TENM3: variants seen among roughly 807,000 people sequenced by gnomAD.
TENM3 encodes teneurin transmembrane protein 3, also known as teneurin-3.
TENM3 carries 63 observed loss-of-function variants against 255.1 expected under a neutral mutation model. That is an observed-to-expected ratio of 0.25 (90% CI 0.20 to 0.30). TENM3 has a LOEUF of 0.30. TENM3 is among the 10% of genes least tolerant of loss of function. The pLI, the probability that TENM3 is intolerant of heterozygous loss-of-function variation, is 1.00. For synonymous variants in TENM3, 1,306 were observed against 1,322.3 expected (o/e 0.99, Z 0.27); for missense variants, 2,929 against 3,461.1 (o/e 0.85, Z 3.86).
At chr4:182,449,482 G>A (rs1773271634) in intron 3 of TENM3, among the ~76,000 whole-genome samples, 1 of 151,434 alleles carries the variant, frequency 6.6e-6, no homozygotes, top group African/African-American at 2.4e-5. Flanking sequence ...TTTTTTATGA[G>A]TAGTGTACTG....
intron 16 of TENM3, among the ~76,000 whole-genome samples, chr4:182,731,696 TGTGTGTG>T (rs1760734497): frequency 2.4e-4 from 2 of 8,414 alleles, no homozygotes; most frequent in East Asian, 0.014. Context: ...GGTGTTGGGG[TGTGTGTG>T]TGTGTGTGTG....
intron 22 of TENM3, among the ~76,000 whole-genome samples, chr4:182,768,528 G>T (rs1291112145): frequency 6.6e-6 from 1 of 152,078 alleles, no homozygotes; most frequent in Admixed American, 6.5e-5. Flanking sequence ...CATTTTAAAA[G>T]TCTAGGGAAG....
At chr4:181,620,955 A>C in the TENM3 span, among the ~76,000 whole-genome samples, 42 of 152,330 alleles carry the variant, frequency 2.8e-4, no homozygotes, top group African/African-American at 9.9e-4. Context: ...TACCTGTAAC[A>C]CAAATAGAAT....
At chr4:181,690,520 G>A in the TENM3 span, among the ~76,000 whole-genome samples, 2 of 151,976 alleles carry the variant, frequency 1.3e-5, no homozygotes, top group African/African-American at 4.8e-5. Flanking sequence ...TGTCTTTTCT[G>A]AGCACTTTAA....
chr4:182,407,248 T>C (rs936080657), intron 3 of TENM3, among the ~76,000 whole-genome samples: 1 of 152,218 alleles, frequency 6.6e-6, no homozygotes, highest in African/African-American at 2.4e-5. Flanking sequence ...CTTTTGGTTA[T>C]CATTTTGGAA....
chr4:182,210,355 T>C (rs1305742525), intron 1 of TENM3, among the ~76,000 whole-genome samples: 5 of 152,210 alleles, frequency 3.3e-5, no homozygotes, highest in African/African-American at 9.6e-5. Context: ...CAACCCATTT[T>C]ACTCAGTGGC....
At chr4:182,642,334 G>A (rs1313358286) in intron 5 of TENM3, among the ~76,000 whole-genome samples, 4 of 152,112 alleles carry the variant, frequency 2.6e-5, no homozygotes, top group Admixed American at 6.5e-5. Flanking sequence ...CTTGATTTTC[G>A]TTTTGTCAGC....
chr4:182,498,509 A>G (rs1049442803), intron 3 of TENM3, among the ~76,000 whole-genome samples: 4 of 151,864 alleles, frequency 2.6e-5, no homozygotes, highest in Admixed American at 1.3e-4. Context: ...CTTTTCTTCC[A>G]TTAGCTTTTT....
At chr4:182,186,769 A>G (rs1316065513) in intron 1 of TENM3, among the ~76,000 whole-genome samples, 3 of 13,390 alleles carry the variant, frequency 2.2e-4, no homozygotes, top group African/African-American at 1.1e-3. Context: ...CATCATATAT[A>G]TATATATATA....
the TENM3 span, among the ~76,000 whole-genome samples, chr4:181,892,797 A>G: frequency 6.6e-6 from 1 of 152,208 alleles, no homozygotes; most frequent in Non-Finnish European, 1.5e-5. Context: ...CCTCTGAATG[A>G]CACATACAGG....
At chr4:181,885,105 A>G in the TENM3 span, among the ~76,000 whole-genome samples, 2 of 152,146 alleles carry the variant, frequency 1.3e-5, no homozygotes, top group East Asian at 1.9e-4. Context: ...TGCTTTTTGT[A>G]TAATGTATAA....
chr4:181,458,170 A>T, the TENM3 span, among the ~76,000 whole-genome samples: 1 of 151,972 alleles, frequency 6.6e-6, no homozygotes, highest in African/African-American at 2.4e-5. Flanking sequence ...CTTAAAAATC[A>T]AGATAATATA....
the TENM3 span, among the ~76,000 whole-genome samples, chr4:181,637,530 G>A: frequency 6.6e-6 from 1 of 152,206 alleles, no homozygotes; most frequent in Non-Finnish European, 1.5e-5. Context: ...TATAGTCCCT[G>A]GAGGAGCCCG....
At chr4:182,540,894 CAG>C (rs1740821509) in intron 3 of TENM3, among the ~76,000 whole-genome samples, 1 of 152,128 alleles carries the variant, frequency 6.6e-6, no homozygotes, top group Non-Finnish European at 1.5e-5. Context: ...CCTGAGGAAT[CAG>C]TGTTTTGCTC....
intron 26 of TENM3, among the ~76,000 whole-genome samples, chr4:182,796,027 G>A (rs1766475308): frequency 1.3e-5 from 2 of 152,152 alleles, no homozygotes; most frequent in African/African-American, 4.8e-5. Context: ...TCCCCAAAAA[G>A]TTTGTCTCCA....
upstream of TENM3, chr4:182,143,723 T>G (rs1027942745): frequency 6.5e-6 from 1 of 154,756 alleles, no homozygotes; most frequent in Non-Finnish European, 1.5e-5. This position sits in a 1 kb window ranked among gnomAD's most constrained non-coding sequence, Gnocchi z 4.3. Flanking sequence ...TTGGTGCGTG[T>G]GAATTTCAAA....
chr4:182,013,442 A>T, the TENM3 span, among the ~76,000 whole-genome samples: 2 of 152,200 alleles, frequency 1.3e-5, no homozygotes, highest in Non-Finnish European at 2.9e-5. Flanking sequence ...GCTTCCAGTG[A>T]CAGAAGAATA....
intron 22 of TENM3, among the ~76,000 whole-genome samples, chr4:182,759,677 A>AAAG (rs1762987561): frequency 6.6e-6 from 1 of 152,236 alleles, no homozygotes; most frequent in Admixed American, 6.5e-5. Context: ...AAATACAGTT[A>AAAG]AAGGATATTA....
chr4:181,867,570 A>T, the TENM3 span, among the ~76,000 whole-genome samples: 2 of 152,220 alleles, frequency 1.3e-5, no homozygotes, highest in African/African-American at 4.8e-5. Flanking sequence ...ATAGACAGCT[A>T]CAGATCTCCT....
Sources: gnomAD v4.1 joint callset for allele counts (sites outside exome capture counted in the v4.1 genomes callset) on GRCh38, gnomAD v4.1.1 for gene constraint, Gnocchi (gnomAD v3.1) non-coding constraint, MANE v1.5 for transcripts, NCBI Gene and HGNC (gene_info 2026-07-23, HGNC 2026-07-21) for gene names.